SYCP2L: variants seen among roughly 807,000 people sequenced by gnomAD.
The protein encoded by SYCP2L is synaptonemal complex protein 2-like.
SYCP2L carries 98 observed loss-of-function variants against 125.8 expected under a neutral mutation model. That is an observed-to-expected ratio of 0.78 (90% CI 0.66 to 0.92). The LOEUF (loss-of-function observed/expected upper bound fraction) is 0.92. Ranked by LOEUF, SYCP2L falls within the 40% of genes least tolerant of loss-of-function variation. SYCP2L has a pLI of 0.00. For missense variants in SYCP2L, 842 were observed against 936.4 expected (o/e 0.90, Z 1.32); for synonymous variants, 317 against 325.4 (o/e 0.97, Z 0.28).
intron 14 of SYCP2L, among the ~76,000 whole-genome samples, chr6:10,918,163 A>G (rs546421421): frequency 1.2e-4 from 18 of 148,256 alleles, no homozygotes; most frequent in South Asian, 4.3e-4. Context: ...GCGCCACCTT[A>G]CTCCAGCCTG....
At chr6:10,967,838 C>T (rs1781707228) in intron 29 of SYCP2L, among the ~76,000 whole-genome samples, 1 of 152,102 alleles carries the variant, frequency 6.6e-6, no homozygotes, top group East Asian at 1.9e-4. Flanking sequence ...GCCTTAAGTG[C>T]CCTTTTGAGG....
intron 15 of SYCP2L, among the ~76,000 whole-genome samples, chr6:10,925,549 A>G (rs1036905601): frequency 6.6e-6 from 1 of 152,204 alleles, no homozygotes; most frequent in Admixed American, 6.5e-5. Flanking sequence ...AAAGGCAAAA[A>G]ATACTGTGGT....
chr6:10,888,948 A>G (rs1385411662), intron 1 of SYCP2L, among the ~76,000 whole-genome samples: 1 of 151,700 alleles, frequency 6.6e-6, no homozygotes, highest in Non-Finnish European at 1.5e-5. Context: ...TGCAACCTCC[A>G]CCTCCTGGGT....
At chr6:10,925,790 C>A (rs1561689593) in intron 15 of SYCP2L, among the ~76,000 whole-genome samples, 1 of 152,126 alleles carries the variant, frequency 6.6e-6, no homozygotes, top group Non-Finnish European at 1.5e-5. Context: ...TAAAAAACAC[C>A]TCCTCCATCA....
intron 29 of SYCP2L, among the ~76,000 whole-genome samples, chr6:10,965,402 C>T (rs1781661955): frequency 6.6e-6 from 1 of 152,154 alleles, no homozygotes; most frequent in African/African-American, 2.4e-5. Context: ...ATAAGGAAGA[C>T]TCAGGGTGGG....
chr6:10,970,720 A>G (rs965934201), intron 29 of SYCP2L, among the ~76,000 whole-genome samples: 3 of 152,192 alleles, frequency 2.0e-5, no homozygotes, highest in South Asian at 2.1e-4. Flanking sequence ...TGCATTCCAT[A>G]TGTGATTTCA....
chr6:10,960,512 C>T (rs1305055959), intron 26 of SYCP2L, among the ~76,000 whole-genome samples: 1 of 152,072 alleles, frequency 6.6e-6, no homozygotes, highest in Non-Finnish European at 1.5e-5. Flanking sequence ...AAACTATAAG[C>T]AAGCAAATAA....
chr6:10,965,739 A>G (rs1208120341), intron 29 of SYCP2L, among the ~76,000 whole-genome samples: 1 of 152,238 alleles, frequency 6.6e-6, no homozygotes, highest in Non-Finnish European at 1.5e-5. Flanking sequence ...AACATTTCCT[A>G]ATTTTAACAT....
intron 14 of SYCP2L, among the ~76,000 whole-genome samples, chr6:10,915,706 C>T (rs552974373): frequency 1.4e-4 from 21 of 152,140 alleles, no homozygotes; most frequent in African/African-American, 4.1e-4. Context: ...TTTGATATGT[C>T]GTTGGATTCG....
At chr6:10,973,207 G>C (rs1781804812) in intron 29 of SYCP2L, among the ~76,000 whole-genome samples, 1 of 152,156 alleles carries the variant, frequency 6.6e-6, no homozygotes, top group African/African-American at 2.4e-5. Flanking sequence ...GTTGATATCA[G>C]CTCCTACCAA....
At chr6:10,903,738 G>C (rs934958321) in intron 8 of SYCP2L, among the ~76,000 whole-genome samples, 1 of 151,712 alleles carries the variant, frequency 6.6e-6, no homozygotes, top group Non-Finnish European at 1.5e-5. Context: ...GTGATAGAGC[G>C]AGACTCTGTC....
At chr6:10,919,812 A>T (rs1237635702) in intron 14 of SYCP2L, among the ~76,000 whole-genome samples, 2 of 152,044 alleles carry the variant, frequency 1.3e-5, no homozygotes, top group African/African-American at 4.8e-5. Context: ...TAGGAGGATT[A>T]TGGCTGTCTC....
At chr6:10,927,143 A>T (rs1037144664) in intron 16 of SYCP2L, 97 bp from the exon 17 acceptor site, 33 of 1,530,838 alleles carry the variant, frequency 2.2e-5, no homozygotes, top group Middle Eastern at 1.7e-4. Context: ...TTACCAAAGG[A>T]TGGAGAGGTA....
intron 6 of SYCP2L, among the ~76,000 whole-genome samples, chr6:10,902,394 A>C (rs1780393481): frequency 6.6e-6 from 1 of 152,244 alleles, no homozygotes; most frequent in South Asian, 2.1e-4. Context: ...CTGCTGTAAT[A>C]AAAGTATCAG....
At chr6:10,930,337 C>A (rs1422748839) in intron 18 of SYCP2L, 33 bp from the exon 19 acceptor site, 1 of 1,594,772 alleles carries the variant, frequency 6.3e-7, no homozygotes, top group South Asian at 1.1e-5. Flanking sequence ...TAACACCCCT[C>A]TAAAAATTCT....
chr6:10,888,286 G>A (rs1403009927), intron 1 of SYCP2L, among the ~76,000 whole-genome samples: 5 of 151,732 alleles, frequency 3.3e-5, no homozygotes, highest in African/African-American at 1.2e-4. Context: ...TAGTAGAGAC[G>A]GGGTTTCACC....
At chr6:10,955,304 G>A (rs1781484104) in intron 24 of SYCP2L, 87 bp downstream of exon 24, 1 of 827,778 alleles carries the variant, frequency 1.2e-6, no homozygotes, top group South Asian at 1.7e-5. Context: ...CACAAGGGAG[G>A]TATAGTTTTA....
chr6:10,928,903 C>T (rs1281539222), intron 18 of SYCP2L, among the ~76,000 whole-genome samples: 1 of 147,970 alleles, frequency 6.8e-6, no homozygotes, highest in Non-Finnish European at 1.5e-5. Flanking sequence ...TTTGTGTATA[C>T]TCTTTTCTTT....
chr6:10,929,111 C>CA (rs1045680213), intron 18 of SYCP2L, among the ~76,000 whole-genome samples: 4 of 152,030 alleles, frequency 2.6e-5, no homozygotes, highest in Admixed American at 6.5e-5. Flanking sequence ...AGACTGGTCT[C>CA]AAACTCCTGA....
Sources: gnomAD v4.1 joint callset for allele counts (sites outside exome capture counted in the v4.1 genomes callset) on GRCh38, gnomAD v4.1.1 for gene constraint, MANE v1.5 for transcripts, NCBI Gene and HGNC (gene_info 2026-07-23, HGNC 2026-07-21) for gene names.